TRIO: variants seen among roughly 807,000 people sequenced by gnomAD.
The protein encoded by TRIO is trio Rho guanine nucleotide exchange factor, also known as triple functional domain protein.
In TRIO, 58 loss-of-function variants were observed where a neutral mutation model predicts 351.9. That is an observed-to-expected ratio of 0.16 (90% confidence interval 0.13 to 0.21). TRIO has a LOEUF of 0.21. Ranked by LOEUF, TRIO falls within the 10% of genes least tolerant of loss-of-function variation. The probability of loss-of-function intolerance (pLI) is 1.00; values close to 1 mark genes in which losing one functional copy is unlikely to be tolerated. For missense variants in TRIO, 3,201 were observed against 4,027.8 expected (o/e 0.79, Z 5.56); for synonymous variants, 1,758 against 1,595.7 (o/e 1.10, Z -2.42).
chr5:14,366,658 A>C (rs1277572015), intron 15 of TRIO, among the ~76,000 whole-genome samples: 1 of 152,222 alleles, frequency 6.6e-6, no homozygotes, highest in Admixed American at 6.5e-5. Flanking sequence ...TAACAGAACT[A>C]ATTAAAAAGA....
Position 14,508,401 on chromosome 5 carries a change from C to T in TRIO, c.9273C>T (p.Ser3091=), listed in dbSNP as rs779143718. 6.2e-7 allele frequency: 1 copy of T among 1,610,194 alleles called. No individual in the cohort carries two copies. The highest frequency in any genetic ancestry group is 2.2e-5 in the East Asian group (1 of 44,814). ...GTAGCATTAAAAACTTTCTGCAGAG[C>T]AGGCTTCTGCCTAGAGTTTGACCTA... ...PIRSIKNFLQ[S]RLLPRV The change falls in exon 57 of 57, where the codon AGC becomes AGT. Residue 3091 remains serine, a synonymous_variant. Coordinates refer to ENST00000344204, the MANE Select transcript of TRIO (RefSeq NM_007118.4).
chr5:14,199,486 T>C (rs770967954), intron 1 of TRIO, among the ~76,000 whole-genome samples: 6 of 152,242 alleles, frequency 3.9e-5, no homozygotes, highest in Non-Finnish European at 5.9e-5. Context: ...ATTTTAAGGA[T>C]GTGCTGCCTT....
chr5:14,263,675 T>C (rs1795485039), intron 1 of TRIO, among the ~76,000 whole-genome samples: 1 of 152,210 alleles, frequency 6.6e-6, no homozygotes, highest in African/African-American at 2.4e-5. Context: ...TAAATGACTT[T>C]CCTGAGACAC....
intron 15 of TRIO, 89 bp from the exon 16 acceptor site, chr5:14,366,771 C>A: frequency 6.4e-7 from 1 of 1,558,112 alleles, no homozygotes; most frequent in Middle Eastern, 1.7e-4. Flanking sequence ...AGCAACTGGA[C>A]TATCTTGCAC....
chr5:14,463,451 T>C (rs1242945700), intron 36 of TRIO, among the ~76,000 whole-genome samples: 1 of 152,234 alleles, frequency 6.6e-6, no homozygotes, highest in Non-Finnish European at 1.5e-5. Context: ...AGTGTAGGAA[T>C]CAGTTGAAAG....
intron 10 of TRIO, among the ~76,000 whole-genome samples, chr5:14,331,258 G>T (rs1219183053): frequency 1.3e-5 from 2 of 152,154 alleles, no homozygotes; most frequent in Non-Finnish European, 2.9e-5. Flanking sequence ...TGTTCTGTTT[G>T]CATTTCTTTA....
At chr5:14,492,373 C>T in intron 48 of TRIO, 194 bp from the exon 49 acceptor site, 1 of 700,246 alleles carries the variant, frequency 1.4e-6, no homozygotes, top group Non-Finnish European at 2.3e-6. Flanking sequence ...AGAGAAATTA[C>T]ATTTTCAGTT....
chr5:14,507,219 C>G lies in TRIO; in HGVS notation c.8710C>G (p.Arg2904Gly). The G allele has an allele frequency of 1.2e-6, 2 of 1,611,718 alleles. No homozygotes were observed. Among genetic ancestry groups the G allele is most frequent in the East Asian group, 2.2e-5 (1 of 44,856 alleles). Reference sequence around the variant, plus strand: ...CCTGGGGGAGGTTCTGGAAGCTGTCCGGTACCTGCACAACTGCAGGATAGC... The same window carrying G: ...CCTGGGGGAGGTTCTGGAAGCTGTCGGGTACCTGCACAACTGCAGGATAGC... Reference protein sequence around the residue: ...AHLGEVLEAVRYLHNCRIAHL... With the variant: ...AHLGEVLEAVGYLHNCRIAHL... The change falls in exon 56 of 57, where the codon CGG becomes GGG. Residue 2904 changes from arginine (R) to glycine (G), a missense_variant. Arg to Gly is a moderately radical substitution (Grantham distance 125). This residue lies in a region of TRIO where 233 missense variants were observed against 292.6 expected (regional missense o/e 0.80). Coordinates refer to ENST00000344204, the MANE Select transcript of TRIO (RefSeq NM_007118.4).
At chr5:14,203,481 G>C (rs1043500469) in intron 1 of TRIO, among the ~76,000 whole-genome samples, 2 of 152,102 alleles carry the variant, frequency 1.3e-5, no homozygotes, top group Admixed American at 1.3e-4. Context: ...CATGTTTCCT[G>C]GTCAGATATT....
At chr5:14,403,144 GT>G (rs1748257744) in intron 31 of TRIO, among the ~76,000 whole-genome samples, 1 of 78,466 alleles carries the variant, frequency 1.3e-5, no homozygotes, top group Non-Finnish European at 2.9e-5. Context: ...GGTGCAGGTT[GT>G]GGTGGTGAGG....
intron 9 of TRIO, among the ~76,000 whole-genome samples, chr5:14,324,002 C>G (rs1406131305): frequency 2.6e-5 from 4 of 152,164 alleles, no homozygotes; most frequent in East Asian, 3.8e-4. Flanking sequence ...AATGAGTCAT[C>G]TTTTGTTGTA....
chr5:14,380,075 G>A (rs1191292758), intron 20 of TRIO, among the ~76,000 whole-genome samples: 5 of 151,994 alleles, frequency 3.3e-5, no homozygotes, highest in Admixed American at 2.0e-4. Flanking sequence ...TTTTCTGTGC[G>A]CTGTCTCCCA....
chr5:14,321,258 G>A (rs985336054), intron 9 of TRIO, among the ~76,000 whole-genome samples: 5 of 152,244 alleles, frequency 3.3e-5, no homozygotes, highest in Non-Finnish European at 7.3e-5. Flanking sequence ...AGAAGAGGCA[G>A]GACCCATCCA....
chr5:14,381,292 G>A (rs770425864), intron 21 of TRIO, 40 bp downstream of exon 21: 24 of 1,549,516 alleles, frequency 1.5e-5, no homozygotes, highest in Admixed American at 2.2e-5. Flanking sequence ...CCTCTAAGTC[G>A]AAAGCGAGTC....
chr5:14,302,138 T>C (rs1382948076), intron 7 of TRIO, among the ~76,000 whole-genome samples: 1 of 152,254 alleles, frequency 6.6e-6, no homozygotes, highest in African/African-American at 2.4e-5. Flanking sequence ...GTTTTTTCTT[T>C]ATTGGTTGTT....
Position 14,487,870 on chromosome 5 carries a change from G to A in TRIO, c.7242G>A (p.Val2414=), listed in dbSNP as rs1046288630. 1.3e-5 allele frequency: 20 copies of A among 1,538,812 alleles called. No homozygotes were observed. The highest frequency in any genetic ancestry group is 2.8e-5 in the African/African-American group (2 of 71,530). The stretch of plus-strand genomic sequence containing the variant: ...CGGAGCCGATCCCCAAGATGAAGGT[G>A]CTGGAGAGCCCCAGGAAAGGCGCCG... ...REAEPIPKMK[V]LESPRKGAAN... The change falls in exon 48 of 57, where the codon GTG becomes GTA. Residue 2414 remains valine (V), a synonymous_variant. Coordinates refer to ENST00000344204, the MANE Select transcript of TRIO (RefSeq NM_007118.4).
At chr5:14,248,506 C>T (rs1794565537) in intron 1 of TRIO, among the ~76,000 whole-genome samples, 1 of 152,190 alleles carries the variant, frequency 6.6e-6, no homozygotes, top group Non-Finnish European at 1.5e-5. Context: ...ACACCCGGGG[C>T]CCCAGGCAGT....
intron 40 of TRIO, among the ~76,000 whole-genome samples, chr5:14,475,005 G>A (rs980802176): frequency 2.0e-5 from 3 of 152,090 alleles, no homozygotes; most frequent in South Asian, 2.1e-4. Flanking sequence ...AAGTAGACAC[G>A]ATTGCCCATG....
rs26107 is a variant in TRIO at position 14,498,618 on chromosome 5, G to A, written c.8310G>A (p.Ser2770=). The A allele has an allele frequency of 0.13, 206,213 of 1,613,850 alleles. 14,373 individuals carry two copies. Among genetic ancestry groups the A allele is most frequent in the Admixed American group, 0.23 (13,970 of 60,022 alleles). Residue 2770 remains serine, a synonymous_variant, in exon 53 of 57, where the codon TCG becomes TCA. Coordinates refer to ENST00000344204, the MANE Select transcript of TRIO (RefSeq NM_007118.4). Reference sequence around the variant, plus strand: ...TCAATGACATGGGTTCAGCCTCATCGTCGGCCAGCCTGAGGGTCCTAGGTA... The same window carrying A: ...TCAATGACATGGGTTCAGCCTCATCATCGGCCAGCCTGAGGGTCCTAGGTA... The part of the protein sequence containing the change: ...IAVNDMGSAS[S]SASLRVLGPG...
Sources: allele counts gnomAD v4.1 joint callset (sites outside exome capture counted in the v4.1 genomes callset), GRCh38; gene constraint gnomAD v4.1.1; regional missense constraint gnomAD v4.1.1; transcripts MANE v1.5; gene names NCBI Gene and HGNC (gene_info 2026-07-23, HGNC 2026-07-21).